UNC13C: variants seen among roughly 807,000 people sequenced by gnomAD.
UNC13C encodes the protein protein unc-13 homolog C.
UNC13C carries 174 observed loss-of-function variants against 245.4 expected under a neutral mutation model. That is an observed-to-expected ratio of 0.71 (90% confidence interval 0.63 to 0.80). The LOEUF (loss-of-function observed/expected upper bound fraction) is 0.80. UNC13C is among the 30% of genes least tolerant of loss of function. The probability of loss-of-function intolerance (pLI) is 0.00; values close to 1 mark genes in which losing one functional copy is unlikely to be tolerated. For missense variants in UNC13C, 2,829 were observed against 2,602.9 expected (o/e 1.09, Z -1.89); for synonymous variants, 992 against 895.1 (o/e 1.11, Z -1.93).
At chr15:54,522,779 C>T (rs182359167) in intron 24 of UNC13C, among the ~76,000 whole-genome samples, 2 of 152,266 alleles carry the variant, frequency 1.3e-5, no homozygotes, top group Admixed American at 6.5e-5. Context: ...GTATATTCCT[C>T]ATTACATAGA....
At chr15:54,035,060 C>T (rs747498295) in intron 2 of UNC13C, among the ~76,000 whole-genome samples, 8 of 152,086 alleles carry the variant, frequency 5.3e-5, no homozygotes, top group Non-Finnish European at 1.2e-4. Flanking sequence ...TTAACATACC[C>T]TTCTTCCATT....
intron 10 of UNC13C, among the ~76,000 whole-genome samples, chr15:54,282,293 A>C (rs58301914): frequency 0.46 from 69,669 of 151,962 alleles, 16,523 homozygotes; most frequent in African/African-American, 0.57. Flanking sequence ...ATATATCATC[A>C]ATTCAATATG....
rs531763237 is a variant in UNC13C, at chr15:54,403,236, T to C, written c.4847+10055T>C. 3.3e-5 allele frequency among the ~76,000 whole-genome samples: 5 copies of C among 152,246 alleles called. No homozygotes were observed. The South Asian group carries it at 8.3e-4, about 25-fold the overall frequency. On this transcript the variant is annotated intron_variant, in intron 18 of 32. Transcript: ENST00000260323. ...CTGCCAGGAGGTATTTTCATTGTCT[T>C]ATGCAATGCTGATTTCAAGAGTTAA...
chr15:54,221,866 G>A (rs1414557118), intron 4 of UNC13C, among the ~76,000 whole-genome samples: 1 of 152,044 alleles, frequency 6.6e-6, no homozygotes, highest in Admixed American at 6.6e-5. Flanking sequence ...CTGTCCTCTT[G>A]TGGAATGGCA....
At chr15:54,434,289 A>G (rs368954493) in intron 19 of UNC13C, among the ~76,000 whole-genome samples, 16 of 152,102 alleles carry the variant, frequency 1.1e-4, no homozygotes, top group East Asian at 5.8e-4. Context: ...AGACAATCCT[A>G]AGCAAAAAAA....
chr15:54,465,916 A>G (rs1191275761), intron 19 of UNC13C, among the ~76,000 whole-genome samples: 1 of 152,044 alleles, frequency 6.6e-6, no homozygotes, highest in African/African-American at 2.4e-5. Context: ...AATGTGCAAA[A>G]AGATTATGTG....
At position 54,045,247 on chromosome 15, in the gene UNC13C, G is replaced by A. The variant is rs372150164; in HGVS notation, c.2983+29361G>A. On this transcript the variant is annotated intron_variant, in intron 2 of 32. Coordinates refer to ENST00000260323, the MANE Select transcript of UNC13C (RefSeq NM_001080534.3). The stretch of plus-strand genomic sequence containing the variant: ...ATTTTTGCATATGGTATAAAACAGG[G>A]GTTTAGTTTCATTCTTTTTTATGTG... Among the ~76,000 whole-genome samples, 6 of 151,762 alleles carry A rather than the reference G, an allele frequency of 4.0e-5. No individual in the cohort carries two copies. The East Asian group carries it at 9.6e-4, about 24-fold the overall frequency.
At chr15:54,103,384 T>C (rs1222446244) in intron 2 of UNC13C, among the ~76,000 whole-genome samples, 1 of 152,226 alleles carries the variant, frequency 6.6e-6, no homozygotes, top group Non-Finnish European at 1.5e-5. Context: ...CCCAAAGCAC[T>C]TTCTGTTTCC....
intron 1 of UNC13C, among the ~76,000 whole-genome samples, chr15:53,983,366 T>A (rs945674572): frequency 1.0e-4 from 15 of 149,116 alleles, no homozygotes; most frequent in African/African-American, 1.5e-4. Context: ...CTCTCGTGGC[T>A]GAAGGGGAAA....
intron 30 of UNC13C, among the ~76,000 whole-genome samples, chr15:54,568,445 C>T (rs1393738282): frequency 6.6e-6 from 1 of 152,026 alleles, no homozygotes; most frequent in African/African-American, 2.4e-5. Flanking sequence ...TGAAACAGGC[C>T]AAGAGGCAGG....
chr15:54,395,760 A>G (rs2040057600), intron 18 of UNC13C, among the ~76,000 whole-genome samples: 1 of 151,834 alleles, frequency 6.6e-6, no homozygotes, highest in African/African-American at 2.4e-5. Context: ...TTTGATAACA[A>G]GTTTACAGTG....
chr15:54,277,830 C>T (rs1186345497), intron 10 of UNC13C, among the ~76,000 whole-genome samples: 2 of 152,034 alleles, frequency 1.3e-5, no homozygotes, highest in Non-Finnish European at 2.9e-5. Context: ...CAATCTATTT[C>T]ATAATATGAG....
At chr15:54,172,719 T>TAA (rs767017010) in intron 4 of UNC13C, among the ~76,000 whole-genome samples, 15,859 of 35,374 alleles carry the variant, frequency 0.45, 2,188 homozygotes, top group Admixed American at 0.51. Flanking sequence ...TATATATATA[T>TAA]ATATATATAT....
At chr15:54,016,007 T>C in intron 2 of UNC13C, 121 bp downstream of exon 2, 4 of 878,914 alleles carry the variant, frequency 4.6e-6, no homozygotes, top group Non-Finnish European at 6.7e-6. Flanking sequence ...CTTTCCATGC[T>C]TTACTCTGAG....
Position 54,204,430 on chromosome 15 carries a change from T to C in UNC13C, c.3072-30600T>C, listed in dbSNP as rs575753967. 5.9e-5 allele frequency among the ~76,000 whole-genome samples: 9 copies of C among 151,748 alleles called. No individual in the cohort carries two copies. The South Asian group carries it at 1.9e-3, about 31-fold the overall frequency. On this transcript the variant is annotated intron_variant, in intron 4 of 32. Transcript: ENST00000260323. ...TAGTATAAGGGCTGTAGGCATAAAC[T>C]AGATTGTGGTTGATATTTATGCCAT...
chr15:54,012,672 T>C lies in UNC13C; in HGVS notation c.-232T>C, dbSNP rs532819551. On this transcript the variant is annotated 5_prime_UTR_variant, in exon 2 of 33. An upstream start codon of the reference 5' UTR is lost. Transcript: ENST00000260323. Reference sequence around the variant, plus strand: ...GACACTACATGGAGTTATGTGGAAATGAGAGAGATTCATGAAACCCCTCCT... The same window carrying C: ...GACACTACATGGAGTTATGTGGAAACGAGAGAGATTCATGAAACCCCTCCT... Among the ~76,000 whole-genome samples, 1 of 152,328 alleles carries C rather than the reference T, an allele frequency of 6.6e-6. No homozygotes were observed. The highest frequency in any genetic ancestry group is 6.5e-5 in the Admixed American group (1 of 15,298).
At chr15:54,175,606 G>A (rs2033584573) in intron 4 of UNC13C, among the ~76,000 whole-genome samples, 1 of 147,032 alleles carries the variant, frequency 6.8e-6, no homozygotes, top group African/African-American at 2.5e-5. Context: ...TCCGCCTCCC[G>A]GGTTCACGCC....
intron 18 of UNC13C, among the ~76,000 whole-genome samples, chr15:54,407,043 C>G (rs2140938206): frequency 6.6e-6 from 1 of 152,082 alleles, no homozygotes; most frequent in South Asian, 2.1e-4. Flanking sequence ...AAGTTGGGGC[C>G]AGATGGTCAG....
chr15:53,961,801 T>A, the UNC13C span, among the ~76,000 whole-genome samples: 1 of 152,172 alleles, frequency 6.6e-6, no homozygotes, highest in African/African-American at 2.4e-5. Flanking sequence ...AATACAAATA[T>A]GTACAGTAGC....
Sources: allele counts gnomAD v4.1 joint callset (sites outside exome capture counted in the v4.1 genomes callset), GRCh38; gene constraint gnomAD v4.1.1; transcripts MANE v1.5; gene names NCBI Gene and HGNC (gene_info 2026-07-23, HGNC 2026-07-21).